Variants in TF observed in about 807,000 individuals in gnomAD.
TF encodes the protein transferrin.
TF carries 55 observed loss-of-function variants against 82.4 expected under a neutral mutation model. The observed-to-expected ratio is 0.67, with a 90% confidence interval of 0.54 to 0.84. TF has a LOEUF of 0.84. TF is among the 40% of genes least tolerant of loss of function. TF has a pLI of 0.00. For synonymous variants in TF, 332 were observed against 332.6 expected, an observed-to-expected ratio of 1.00 and a Z score of 0.02; for missense variants, 737 against 868.4, an observed-to-expected ratio of 0.85 and a Z score of 1.90.
chr3:133,756,437 G>C, intron 6 of TF, 100 bp downstream of exon 6: 1 of 1,309,920 alleles, frequency 7.6e-7, no homozygotes, highest in South Asian at 1.2e-5. Flanking sequence ...TGAGCATACT[G>C]TATTTCTCCT....
At chr3:133,771,743 C>CAAAAAAAAAAAAAAAAAAAAA (rs71136494) in intron 14 of TF, among the ~76,000 whole-genome samples, 13 of 56,536 alleles carry the variant, frequency 2.3e-4, no homozygotes, top group East Asian at 5.1e-4. Context: ...GACTCCGTCT[C>CAAAAAAAAAAAAAAAAAAAAA]AAAAAAAAAA....
At position 133,746,427 on chromosome 3, in the gene TF, G is replaced by T. The variant is rs748260999; in HGVS notation, c.-14G>T. 2.5e-6 allele frequency: 4 copies of T among 1,596,830 alleles called. No individual in the cohort carries two copies. The South Asian group carries it at 3.4e-5, about 14-fold the overall frequency. ...AGTCCGACTGTGCTCGCTGCTCAGC[G>T]CCGCACCCGGAAGATGAGGCTCGCC... On this transcript the variant is annotated 5_prime_UTR_variant, in exon 1 of 17. Transcript: ENST00000402696.
At chr3:133,772,098 C>T (rs1243733084) in intron 14 of TF, among the ~76,000 whole-genome samples, 1 of 152,170 alleles carries the variant, frequency 6.6e-6, no homozygotes, top group Non-Finnish European at 1.5e-5. Flanking sequence ...TTGAATTCAC[C>T]ACACTCTGTA....
At chr3:133,697,936 T>C in the TF span, among the ~76,000 whole-genome samples, 1 of 152,134 alleles carries the variant, frequency 6.6e-6, no homozygotes, top group Admixed American at 6.6e-5. Flanking sequence ...GCATAAGCAA[T>C]AGGGCAGCAG....
the TF span, among the ~76,000 whole-genome samples, chr3:133,729,489 G>A: frequency 3.9e-5 from 6 of 152,184 alleles, no homozygotes; most frequent in Admixed American, 6.5e-5. Context: ...CTCCTGGTGC[G>A]CTGTTTTTTA....
chr3:133,792,906 CAG>C lies in TF; in HGVS notation c.*14287_*14288del, dbSNP rs1408815472. 3 of 152,044 alleles carry C rather than the reference CAG, an allele frequency of 2.0e-5. No homozygotes were observed. Among genetic ancestry groups the C allele is most frequent in the African/African-American group, 4.8e-5 (2 of 41,402 alleles). The allele number at this position is 152,044 out of a possible 1,614,324, so 9.4% of individuals were successfully genotyped here. Reference sequence around the variant, plus strand: ...TTGAACATCAAAATAAAAGCACAAACAGGGTTTTCTTAAAGCACCGATCTGCT... The same window carrying C: ...TTGAACATCAAAATAAAAGCACAAACGGTTTTCTTAAAGCACCGATCTGCT... On this transcript the variant is annotated 3_prime_UTR_variant, in exon 17 of 17. Coordinates refer to ENST00000402696, the MANE Select transcript of TF (RefSeq NM_001063.4).
chr3:133,672,138 CA>C, the TF span, among the ~76,000 whole-genome samples: 1 of 151,992 alleles, frequency 6.6e-6, no homozygotes, highest in Non-Finnish European at 1.5e-5. Flanking sequence ...ATTTCTTTAA[CA>C]AAAAACTTAC....
At chr3:133,771,693 C>T (rs1457392027) in intron 14 of TF, among the ~76,000 whole-genome samples, 10 of 132,100 alleles carry the variant, frequency 7.6e-5, no homozygotes, top group East Asian at 2.2e-4. Flanking sequence ...GCCGAGATTG[C>T]GCCACTGCAG....
At chr3:133,728,458 C>T in the TF span, among the ~76,000 whole-genome samples, 3 of 152,048 alleles carry the variant, frequency 2.0e-5, no homozygotes, top group Non-Finnish European at 1.5e-5. Flanking sequence ...GCTCCTGAGG[C>T]TTCTGCATTC....
intron 9 of TF, chr3:133,762,269 CA>C: frequency 5.2e-6 from 1 of 192,986 alleles, no homozygotes; most frequent in African/African-American, 2.3e-5. Context: ...TTTGTTGTGC[CA>C]AATCAAAAGG....
intron 10 of TF, among the ~76,000 whole-genome samples, chr3:133,764,653 A>G (rs1934080748): frequency 6.6e-6 from 1 of 152,212 alleles, no homozygotes; most frequent in South Asian, 2.1e-4. Flanking sequence ...GTGCAGACAG[A>G]GCAGGAAACT....
Position 133,754,574 on chromosome 3 carries a change from G to A in TF, c.405G>A (p.Lys135=). ...AGATGAACCAGCTTCGAGGCAAGAA[G>A]TCCTGCCACACGGGTCTAGGCAGGT... The part of the protein sequence containing the change: ...GFQMNQLRGK[K]SCHTGLGRSA... The change falls in exon 4 of 17, where the codon AAG becomes AAA. Residue 135 remains lysine (K), a synonymous_variant. Transcript: ENST00000402696. 1.2e-6 allele frequency: 2 copies of A among 1,614,232 alleles called. No individual in the cohort carries two copies. The highest frequency in any genetic ancestry group is 1.7e-6 in the Non-Finnish European group (2 of 1,180,042).
chr3:133,672,497 TA>T, the TF span, among the ~76,000 whole-genome samples: 2 of 149,932 alleles, frequency 1.3e-5, no homozygotes, highest in Non-Finnish European at 1.5e-5. Flanking sequence ...CAGCAATATG[TA>T]AAAAAATGTT....
Position 133,775,441 on chromosome 3 carries a change from C to T in TF, c.1696C>T (p.Pro566Ser), listed in dbSNP as rs1225787241. The part of the protein sequence containing the change: ...TVPQNTGGKN[P>S]DPWAKNLNEK... ...CTTCTTCCTGTCCCTAGGAAAAAAC[C>T]CTGATCCATGGGCTAAGAATCTGAA... Residue 566 changes from proline (P) to serine (S), a missense_variant, in exon 15 of 17, where the codon CCT (proline) becomes TCT (serine). Physicochemically the swap from Pro to Ser is moderately conservative, Grantham distance 74. Transcript: ENST00000402696. The T allele has an allele frequency of 5.0e-6, 8 of 1,614,202 alleles. No homozygotes were observed. The highest frequency in any genetic ancestry group is 4.4e-5 in the South Asian group (4 of 91,080).
the TF span, among the ~76,000 whole-genome samples, chr3:133,696,932 C>G: frequency 6.6e-6 from 1 of 152,056 alleles, no homozygotes; most frequent in Non-Finnish European, 1.5e-5. Flanking sequence ...CTATCAGATA[C>G]AGAACATTCA....
chr3:133,753,926 A>AG, intron 3 of TF: 1 of 628,170 alleles, frequency 1.6e-6, no homozygotes, highest in South Asian at 1.9e-5. Context: ...GCCCTGGGCC[A>AG]GGGGCATATG....
At chr3:133,771,743 C>CAAAAAAAAAAAAA (rs71136494) in intron 14 of TF, among the ~76,000 whole-genome samples, 25 of 56,524 alleles carry the variant, frequency 4.4e-4, no homozygotes, top group East Asian at 1.0e-3. Context: ...GACTCCGTCT[C>CAAAAAAAAAAAAA]AAAAAAAAAA....
rs1341082823 is a variant in TF, at chr3:133,796,627, G to C, written c.*18007G>C. ...GTACTTTTGTTTTCAATAAACCTCTGCTTTTGTTGCTTCATTCTTTCCTTG... is the reference window on the plus strand; with the variant it reads ...GTACTTTTGTTTTCAATAAACCTCTCCTTTTGTTGCTTCATTCTTTCCTTG... On this transcript the variant is annotated 3_prime_UTR_variant, in exon 17 of 17. Coordinates refer to ENST00000402696, the MANE Select transcript of TF (RefSeq NM_001063.4). The C allele has an allele frequency of 1.3e-5, 2 of 152,136 alleles. No homozygotes were observed. The allele number at this position is 152,136 out of a possible 1,614,324, so 9.4% of individuals were successfully genotyped here. A position where few individuals can be genotyped will look rare whatever the true frequency, so the allele number is the denominator to read the frequency against.
chr3:133,724,152 G>C, the TF span, among the ~76,000 whole-genome samples: 3 of 152,122 alleles, frequency 2.0e-5, no homozygotes, highest in Non-Finnish European at 4.4e-5. Flanking sequence ...ATGATTTATA[G>C]TCCTTTGGGT....
Sources: allele counts gnomAD v4.1 joint callset (sites outside exome capture counted in the v4.1 genomes callset), GRCh38; gene constraint gnomAD v4.1.1; transcripts MANE v1.5; gene names NCBI Gene and HGNC (gene_info 2026-07-23, HGNC 2026-07-21).